AGBL4: variants seen among roughly 807,000 people sequenced by gnomAD.
AGBL4 encodes cytosolic carboxypeptidase 6.
AGBL4 carries 58 observed loss-of-function variants against 66.4 expected under a neutral mutation model. The ratio of observed to expected loss-of-function variants is 0.87; its 90% CI spans 0.71 to 1.09. AGBL4 has a LOEUF of 1.09. Among genes scored for constraint, AGBL4 ranks in the 50% least tolerant of loss-of-function variants. The pLI is 0.00. For synonymous variants in AGBL4, 234 were observed against 222.9 expected (o/e 1.05, Z -0.44); for missense variants, 579 against 631.0 (o/e 0.92, Z 0.88).
intron 11 of AGBL4, among the ~76,000 whole-genome samples, chr1:48,553,592 A>C (rs1296537918): frequency 6.6e-6 from 1 of 152,082 alleles, no homozygotes; most frequent in Non-Finnish European, 1.5e-5. Flanking sequence ...ATGTTCTGTG[A>C]GCCTCTATAT....
chr1:48,833,343 T>G (rs1282653804), intron 6 of AGBL4, among the ~76,000 whole-genome samples: 1 of 152,220 alleles, frequency 6.6e-6, no homozygotes, highest in Non-Finnish European at 1.5e-5. Context: ...TTGGCTGAAC[T>G]GTGTTCTAGT....
At chr1:48,898,827 CA>C (rs1444259308) in intron 5 of AGBL4, among the ~76,000 whole-genome samples, 1 of 152,142 alleles carries the variant, frequency 6.6e-6, no homozygotes, top group Non-Finnish European at 1.5e-5. Flanking sequence ...GTTTGATCCA[CA>C]AAAAGGGAGA....
At chr1:49,891,108 C>G (rs1466311973) in intron 1 of AGBL4, among the ~76,000 whole-genome samples, 1 of 152,000 alleles carries the variant, frequency 6.6e-6, no homozygotes, top group Non-Finnish European at 1.5e-5. Context: ...CTGTGAAGAT[C>G]TAGGCAAAAA....
chr1:49,718,845 G>A (rs934874576), intron 2 of AGBL4, among the ~76,000 whole-genome samples: 1 of 151,840 alleles, frequency 6.6e-6, no homozygotes, highest in Non-Finnish European at 1.5e-5. Flanking sequence ...TCTATTTTCA[G>A]AAAGAAAAAC....
At chr1:50,002,649 G>A (rs950360377) in intron 1 of AGBL4, among the ~76,000 whole-genome samples, 20 of 152,050 alleles carry the variant, frequency 1.3e-4, no homozygotes, top group Admixed American at 1.2e-3. Context: ...GATTACAGGC[G>A]TGAGCCACCG....
chr1:49,328,663 A>G (rs1645271650), intron 3 of AGBL4, among the ~76,000 whole-genome samples: 1 of 152,162 alleles, frequency 6.6e-6, no homozygotes, highest in African/African-American at 2.4e-5. Context: ...CTCACACTCA[A>G]CATGACAGAA....
At chr1:49,639,311 A>T (rs1312114309) in intron 3 of AGBL4, among the ~76,000 whole-genome samples, 1 of 152,212 alleles carries the variant, frequency 6.6e-6, no homozygotes, top group Non-Finnish European at 1.5e-5. Context: ...GTAATTTAGA[A>T]AATAATAATG....
chr1:48,929,551 C>T (rs747639312), intron 5 of AGBL4, among the ~76,000 whole-genome samples: 2 of 152,172 alleles, frequency 1.3e-5, no homozygotes, highest in Non-Finnish European at 2.9e-5. Context: ...AAACTTTTCA[C>T]TCATGGCAAC....
intron 1 of AGBL4, among the ~76,000 whole-genome samples, chr1:49,948,565 AT>A (rs1411169610): frequency 0.098 from 5,837 of 59,328 alleles, 155 homozygotes; most frequent in Non-Finnish European, 0.12. Context: ...ATATATAAAA[AT>A]ATATATATAT....
chr1:49,816,173 A>G (rs1422334991), intron 2 of AGBL4, among the ~76,000 whole-genome samples: 1 of 152,072 alleles, frequency 6.6e-6, no homozygotes, highest in East Asian at 1.9e-4. Context: ...CTGAGGCAGC[A>G]TGCTCAGCTC....
At position 48,964,527 on chromosome 1, in the gene AGBL4, C is replaced by T. The variant is rs551418434; in HGVS notation, c.594+81057G>A. ...GCCCTTTTTGAATTCTTAATATGTA[C>T]CAGACATCAAGTACTTTATGCAAAT... On this transcript the variant is annotated intron_variant, in intron 5 of 13. Transcript: ENST00000371839. 7.2e-5 allele frequency among the ~76,000 whole-genome samples: 11 copies of T among 152,172 alleles called. No individual in the cohort carries two copies. The South Asian group carries it at 2.3e-3, about 32-fold the overall frequency.
chr1:49,746,599 G>T (rs1418201331), intron 2 of AGBL4, among the ~76,000 whole-genome samples: 2 of 151,986 alleles, frequency 1.3e-5, no homozygotes, highest in Non-Finnish European at 2.9e-5. Flanking sequence ...CCATGACATT[G>T]TGTGGGAAGG....
At chr1:49,219,207 G>A (rs1229503478) in intron 4 of AGBL4, among the ~76,000 whole-genome samples, 1 of 152,056 alleles carries the variant, frequency 6.6e-6, no homozygotes, top group Non-Finnish European at 1.5e-5. Flanking sequence ...ACCCATCATG[G>A]GACAACACAT....
At chr1:49,487,406 A>G (rs1299285272) in intron 3 of AGBL4, among the ~76,000 whole-genome samples, 3 of 151,988 alleles carry the variant, frequency 2.0e-5, no homozygotes, top group South Asian at 4.2e-4. Context: ...CATAATCCCC[A>G]CATGTCAAGA....
intron 3 of AGBL4, among the ~76,000 whole-genome samples, chr1:49,563,680 GC>G: frequency 6.6e-6 from 1 of 152,082 alleles, no homozygotes; most frequent in Non-Finnish European, 1.5e-5. Flanking sequence ...TGGTGGATAA[GC>G]TTTTTGATGT....
intron 1 of AGBL4, among the ~76,000 whole-genome samples, chr1:49,987,592 A>G (rs1315568241): frequency 6.6e-6 from 1 of 152,072 alleles, no homozygotes; most frequent in Non-Finnish European, 1.5e-5. Context: ...GGTGTTATCC[A>G]TCTAAAACTT....
At chr1:48,970,526 A>G (rs972798552) in intron 5 of AGBL4, among the ~76,000 whole-genome samples, 5 of 152,172 alleles carry the variant, frequency 3.3e-5, no homozygotes, top group African/African-American at 1.2e-4. Context: ...AGTTTTCACA[A>G]ATGATCTACT....
intron 4 of AGBL4, among the ~76,000 whole-genome samples, chr1:49,085,669 G>T (rs1381821582): frequency 6.6e-6 from 1 of 151,900 alleles, no homozygotes; most frequent in African/African-American, 2.4e-5. Flanking sequence ...AGCGAATCTG[G>T]TTACCAGACT....
At chr1:49,501,599 C>A (rs1181401042) in intron 3 of AGBL4, among the ~76,000 whole-genome samples, 2 of 151,848 alleles carry the variant, frequency 1.3e-5, no homozygotes, top group Non-Finnish European at 2.9e-5. Flanking sequence ...AAAACCAACT[C>A]AGTTTCATTG....
Sources: gnomAD v4.1 joint callset for allele counts (sites outside exome capture counted in the v4.1 genomes callset) on GRCh38, gnomAD v4.1.1 for gene constraint, MANE v1.5 for transcripts, NCBI Gene and HGNC (gene_info 2026-07-23, HGNC 2026-07-21) for gene names.